The following SLC35B4 variants were observed in gnomAD, a reference collection of about 807,000 sequenced individuals.
SLC35B4 encodes nucleotide sugar transporter SLC35B4.
Under a neutral mutation model 39.5 loss-of-function variants are expected in SLC35B4, and 28 were observed. The observed-to-expected ratio is 0.71, with a 90% CI of 0.53 to 0.97. The LOEUF (loss-of-function observed/expected upper bound fraction) is 0.97, where lower values mean the gene tolerates loss of function less well. SLC35B4 is among the 50% of genes least tolerant of loss of function. SLC35B4 has a pLI of 0.00. For synonymous variants in SLC35B4, 145 were observed against 150.4 expected, an observed-to-expected ratio of 0.96 and a Z score of 0.26; for missense variants, 334 against 414.3, an observed-to-expected ratio of 0.81 and a Z score of 1.68.
chr7:134,316,660 G>T lies in SLC35B4; in HGVS notation c.77+15C>A. ...CGCCCCGGGAGACCGGGTGCGGCCC[G>T]AGCGGGTCACTCACCGGGCCAGGAG... On this transcript the variant is annotated intron_variant, in intron 1 of 9. Coordinates refer to ENST00000378509, the MANE Select transcript of SLC35B4 (RefSeq NM_032826.5). 6.5e-7 allele frequency: 1 copy of T among 1,549,282 alleles called. No homozygotes were observed.
chr7:134,311,662 A>AAAC (rs905563365), intron 1 of SLC35B4, among the ~76,000 whole-genome samples: 2 of 152,138 alleles, frequency 1.3e-5, no homozygotes, highest in Admixed American at 1.3e-4. Flanking sequence ...TCTCAAAAAC[A>AAAC]AACAACAACA....
chr7:134,304,687 G>GT (rs1162852503), intron 4 of SLC35B4, 118 bp downstream of exon 4: 6 of 728,728 alleles, frequency 8.2e-6, no homozygotes, highest in Non-Finnish European at 1.4e-5. Context: ...AAGAAAAGAG[G>GT]TAGATGGCCA....
In SLC35B4 at chr7:134,295,047, G is replaced by A. The variant is rs147598026; in HGVS notation, c.782C>T (p.Thr261Ile). ...YVCIRGVFIL[T>I]TECASLTVTL... Reference sequence around the variant, plus strand: ...GACGGTGAGGGAGGCGCATTCTGTGGTGAGGATAAACACACCCCGGATGCA... The same window carrying A: ...GACGGTGAGGGAGGCGCATTCTGTGATGAGGATAAACACACCCCGGATGCA... Residue 261 changes from threonine (T) to isoleucine (I), a missense_variant, in exon 10 of 10, where the codon ACC becomes ATC. Physicochemically the swap from Thr to Ile is moderately conservative, Grantham distance 89. Coordinates refer to ENST00000378509, the MANE Select transcript of SLC35B4 (RefSeq NM_032826.5). The A allele has an allele frequency of 1.2e-6, 2 of 1,614,196 alleles. No homozygotes were observed. The highest frequency in any genetic ancestry group is 2.2e-5 in the East Asian group (1 of 44,882).
chr7:134,299,647 A>T, intron 7 of SLC35B4, 49 bp from the exon 8 acceptor site: 1 of 1,457,706 alleles, frequency 6.9e-7, no homozygotes, highest in East Asian at 2.3e-5. Context: ...AACATTATAG[A>T]ATAATTAGAG....
Position 134,301,826 on chromosome 7 carries a change from G to A in SLC35B4, c.427-5C>T. 6.2e-7 allele frequency: 1 copy of A among 1,613,808 alleles called. No individual in the cohort carries two copies. Among genetic ancestry groups the A allele is most frequent in the Non-Finnish European group, 8.5e-7 (1 of 1,179,818 alleles). ...ACTCAAGCTGGACTGGGAAGTCTAG[G>A]AAATAAGAAAATAAACTAGGTACAG... On this transcript the variant is annotated splice_polypyrimidine_tract_variant and splice_region_variant and intron_variant, in intron 5 of 9. Coordinates refer to ENST00000378509, the MANE Select transcript of SLC35B4 (RefSeq NM_032826.5).
chr7:134,300,186 A>C lies in SLC35B4; in HGVS notation c.563T>G (p.Phe188Cys), dbSNP rs1480383626. Residue 188 changes from phenylalanine to cysteine, a missense_variant, in exon 7 of 10, where the codon TTT becomes TGT. Coordinates refer to ENST00000378509, the MANE Select transcript of SLC35B4 (RefSeq NM_032826.5). ...GIFQETLYKR[F>C]GKHSKEALFY... ...CAAAGCCTCCTTGGAGTGTTTCCCA[A>C]ATCGTTTGTAGAGAGTCTCTTGGAA... is the stretch of plus-strand genomic sequence containing the variant. The C allele has an allele frequency of 1.4e-5, 23 of 1,612,932 alleles. No homozygotes were observed. Among genetic ancestry groups the C allele is most frequent in the Non-Finnish European group, 1.9e-5 (22 of 1,179,766 alleles).
Position 134,295,018 on chromosome 7 carries a change from G to C in SLC35B4, c.811C>G (p.Leu271Val). ...TTECASLTVTLVVTLRKFVSL... is the reference protein window; with the variant it reads ...TTECASLTVTVVVTLRKFVSL... ...ACAAATTTGCGTAGGGTCACGACGA[G>C]CGTGACGGTGAGGGAGGCGCATTCT... The change falls in exon 10 of 10, where the codon CTC becomes GTC. Residue 271 changes from leucine to valine, a missense_variant. Physicochemically the swap from Leu to Val is conservative, Grantham distance 32. Coordinates refer to ENST00000378509, the MANE Select transcript of SLC35B4 (RefSeq NM_032826.5). 1 of 1,614,192 alleles carries C rather than the reference G, an allele frequency of 6.2e-7. No homozygotes were observed. The highest frequency in any genetic ancestry group is 8.5e-7 in the Non-Finnish European group (1 of 1,180,032).
intron 6 of SLC35B4, 106 bp downstream of exon 6, chr7:134,301,655 T>C: frequency 1.9e-6 from 2 of 1,038,134 alleles, no homozygotes; most frequent in Non-Finnish European, 3.0e-6. Context: ...TTCCATGGCA[T>C]AATTTGTTTA....
At chr7:134,320,279 G>A (rs1014264820), upstream of SLC35B4, among the ~76,000 whole-genome samples, 7 of 152,180 alleles carry the variant, frequency 4.6e-5, no homozygotes, top group Non-Finnish European at 1.0e-4. Flanking sequence ...GTTGATCCCC[G>A]AGATGGCAGG....
Position 134,291,326 on chromosome 7 carries a change from C to T in SLC35B4, c.*3507G>A, listed in dbSNP as rs749809909. The T allele has an allele frequency of 7.9e-5, 12 of 152,254 alleles. No homozygotes were observed. The highest frequency in any genetic ancestry group is 2.1e-4 in the South Asian group (1 of 4,828). 9.4% of individuals were successfully genotyped at this position (152,254 alleles called of 1,614,324 possible). A position where few individuals can be genotyped will look rare whatever the true frequency, so the allele number is the denominator to read the frequency against. On this transcript the variant is annotated 3_prime_UTR_variant, in exon 10 of 10. Transcript: ENST00000378509. ...TTGTAAGAATGTATAACAAAATACA[C>T]GCTGTGCAGATATAAATACTCTGTA... is the stretch of plus-strand genomic sequence containing the variant.
intron 3 of SLC35B4, among the ~76,000 whole-genome samples, chr7:134,306,238 T>C (rs1412806781): frequency 3.4e-5 from 5 of 148,436 alleles, no homozygotes; most frequent in Non-Finnish European, 5.9e-5. Flanking sequence ...TTTCCCTTTA[T>C]TATCTCAAGT....
chr7:134,303,399 A>G (rs1255521521), intron 4 of SLC35B4, among the ~76,000 whole-genome samples: 1 of 152,078 alleles, frequency 6.6e-6, no homozygotes, highest in Non-Finnish European at 1.5e-5. Context: ...GGCCTGTCCC[A>G]AGGCGAATTC....
rs2598286 is a variant in SLC35B4 at position 134,291,277 on chromosome 7, G to A, written c.*3556C>T. On this transcript the variant is annotated 3_prime_UTR_variant, in exon 10 of 10. Transcript: ENST00000378509. ...TTCTGCCAGATATTCTCACTATTAT[G>A]AATGTACCCCCCAATATCAATGCTT... is the stretch of plus-strand genomic sequence containing the variant. 76,371 of 151,936 alleles carry A rather than the reference G, an allele frequency of 0.5. 19,718 individuals carry two copies. Among genetic ancestry groups the A allele is most frequent in the African/African-American group, 0.59 (24,623 of 41,426 alleles). The allele number at this position is 151,936 out of a possible 1,614,324, so 9.4% of individuals were successfully genotyped here.
At chr7:134,315,618 T>C (rs552489205) in intron 1 of SLC35B4, among the ~76,000 whole-genome samples, 1 of 151,082 alleles carries the variant, frequency 6.6e-6, no homozygotes, top group African/African-American at 2.4e-5. Flanking sequence ...TATCTCATTA[T>C]GTATATGCAA....
chr7:134,311,592 T>C (rs1585646099), intron 1 of SLC35B4, among the ~76,000 whole-genome samples: 1 of 151,864 alleles, frequency 6.6e-6, no homozygotes, highest in Non-Finnish European at 1.5e-5. Flanking sequence ...GAGGTGGAGG[T>C]TGCAGTGAGC....
chr7:134,298,425 C>G (rs1381501367), intron 8 of SLC35B4, among the ~76,000 whole-genome samples: 2 of 152,162 alleles, frequency 1.3e-5, no homozygotes, highest in Non-Finnish European at 2.9e-5. Flanking sequence ...GAAAATGTAT[C>G]TTTAACTTGG....
Position 134,295,031 on chromosome 7 carries a change from G to A in SLC35B4, c.798C>T (p.Ser266=). ...GVFILTTECA[S]LTVTLVVTLR... is the part of the protein sequence containing the mutation. ...GGGTCACGACGAGCGTGACGGTGAGGGAGGCGCATTCTGTGGTGAGGATAA... is the reference window on the plus strand; with the variant it reads ...GGGTCACGACGAGCGTGACGGTGAGAGAGGCGCATTCTGTGGTGAGGATAA... Residue 266 remains serine, a synonymous_variant, in exon 10 of 10, where the codon TCC becomes TCT. Transcript: ENST00000378509. 6.2e-7 allele frequency: 1 copy of A among 1,614,168 alleles called. No homozygotes were observed. Among genetic ancestry groups the A allele is most frequent in the Non-Finnish European group, 8.5e-7 (1 of 1,180,034 alleles).
upstream of SLC35B4, among the ~76,000 whole-genome samples, chr7:134,317,320 T>C (rs925010053): frequency 6.6e-6 from 1 of 152,188 alleles, no homozygotes; most frequent in African/African-American, 2.4e-5. Context: ...TATATATGTA[T>C]CTTTGGTGAC....
intron 1 of SLC35B4, among the ~76,000 whole-genome samples, chr7:134,314,224 G>C (rs1803917532): frequency 6.6e-6 from 1 of 151,814 alleles, no homozygotes; most frequent in South Asian, 2.1e-4. Context: ...CCAAATTGTT[G>C]GACAGAATGG....
Sources: gnomAD v4.1 joint callset for allele counts (sites outside exome capture counted in the v4.1 genomes callset) on GRCh38, gnomAD v4.1.1 for gene constraint, MANE v1.5 for transcripts, NCBI Gene and HGNC (gene_info 2026-07-23, HGNC 2026-07-21) for gene names.